The following DHRSX variants were observed in gnomAD, a reference collection of about 807,000 sequenced individuals.
DHRSX encodes the protein polyprenol dehydrogenase.
DHRSX carries 31 observed loss-of-function variants against 34.0 expected under a neutral mutation model. The ratio of observed to expected loss-of-function variants is 0.91; its 90% CI spans 0.69 to 1.23. The LOEUF is 1.23. Among genes scored for constraint, DHRSX ranks in the 50% most tolerant of loss-of-function variants. The pLI, the probability that DHRSX is intolerant of heterozygous loss-of-function variation, is 0.00. For missense variants in DHRSX, 414 were observed against 428.1 expected (o/e 0.97, Z 0.29); for synonymous variants, 201 against 183.8 (o/e 1.09, Z -0.76).
At chrX:2,488,340 A>C in intron 1 of DHRSX, 3 of 357,824 alleles carry the variant, frequency 8.4e-6, no homozygotes, top group Non-Finnish European at 1.5e-5. Context: ...AGTCCTGGCT[A>C]ATTTTTGTAT....
chrX:2,341,039 CA>C (rs1301693768), intron 3 of DHRSX, among the ~76,000 whole-genome samples: 3 of 152,110 alleles, frequency 2.0e-5, no homozygotes, highest in Admixed American at 6.6e-5. Context: ...CAAATCAAGG[CA>C]GGGGGAGAAA....
At chrX:2,490,352 T>C (rs756811443) in intron 1 of DHRSX, 1 of 1,613,410 alleles carries the variant, frequency 6.2e-7, no homozygotes, top group South Asian at 1.1e-5. Context: ...CAGCTCCTGC[T>C]GCTTCTTGCT....
At chrX:2,221,646 TTC>T (rs2015522642) in intron 6 of DHRSX, among the ~76,000 whole-genome samples, 2 of 152,100 alleles carry the variant, frequency 1.3e-5, no homozygotes, top group Non-Finnish European at 2.9e-5. Context: ...ATCAAAAAGA[TTC>T]TTGTTTTCAA....
At chrX:2,246,492 G>A (rs1238802290) in intron 5 of DHRSX, among the ~76,000 whole-genome samples, 3 of 151,638 alleles carry the variant, frequency 2.0e-5, no homozygotes, top group African/African-American at 2.4e-5. Context: ...ACGTGCTGGC[G>A]GGTGCCTGTA....
At chrX:2,237,332 T>C (rs894511111) in intron 6 of DHRSX, among the ~76,000 whole-genome samples, 4 of 152,090 alleles carry the variant, frequency 2.6e-5, no homozygotes, top group African/African-American at 9.7e-5. Context: ...AATACATGCT[T>C]AAGACAAGCA....
intron 1 of DHRSX, among the ~76,000 whole-genome samples, chrX:2,459,077 G>T (rs1259389404): frequency 6.6e-6 from 1 of 152,130 alleles, no homozygotes; most frequent in Non-Finnish European, 1.5e-5. Context: ...GTTGGAGGCT[G>T]CCATGAGCTA....
chrX:2,297,535 T>A (rs1408937731), intron 3 of DHRSX, among the ~76,000 whole-genome samples: 1 of 152,164 alleles, frequency 6.6e-6, no homozygotes, highest in Middle Eastern at 3.2e-3. Context: ...TTACCTTGTA[T>A]GAAAATAGGG....
intron 1 of DHRSX, among the ~76,000 whole-genome samples, chrX:2,465,143 A>T (rs5982990): frequency 0.31 from 47,177 of 151,286 alleles, 7,701 homozygotes; most frequent in African/African-American, 0.43. Flanking sequence ...AGACATTCCC[A>T]AAGCATGTGG....
At chrX:2,355,851 A>C (rs2124580466) in intron 3 of DHRSX, among the ~76,000 whole-genome samples, 1 of 152,084 alleles carries the variant, frequency 6.6e-6, no homozygotes, top group African/African-American at 2.4e-5. Context: ...AGATCATCTA[A>C]AGTCGGGAGT....
intron 3 of DHRSX, among the ~76,000 whole-genome samples, chrX:2,327,863 G>A (rs1395842641): frequency 3.3e-5 from 5 of 151,964 alleles, no homozygotes; most frequent in African/African-American, 9.7e-5. Flanking sequence ...GGTGGATCAC[G>A]AGGTCAGGTG....
At chrX:2,240,771 G>T (rs943870653) in intron 6 of DHRSX, among the ~76,000 whole-genome samples, 1 of 152,088 alleles carries the variant, frequency 6.6e-6, no homozygotes, top group Non-Finnish European at 1.5e-5. Flanking sequence ...AAATAGAAAA[G>T]CTTCTCAAGG....
chrX:2,351,526 A>G (rs1313501802), intron 3 of DHRSX, among the ~76,000 whole-genome samples: 1 of 152,188 alleles, frequency 6.6e-6, no homozygotes, highest in African/African-American at 2.4e-5. Context: ...CAGGCCACCC[A>G]ATGGGAGAAA....
chrX:2,223,793 G>A (rs1375389900), intron 6 of DHRSX, among the ~76,000 whole-genome samples: 1 of 152,128 alleles, frequency 6.6e-6, no homozygotes, highest in South Asian at 2.1e-4. Flanking sequence ...TCCCAAAGCC[G>A]GCATTCTTCT....
intron 1 of DHRSX, among the ~76,000 whole-genome samples, chrX:2,456,613 C>CAAA (rs57262200): frequency 6.4e-5 from 7 of 108,840 alleles, no homozygotes; most frequent in African/African-American, 2.5e-4. Flanking sequence ...GACTCCTCTT[C>CAAA]AAAAAAAAAA....
In DHRSX at chrX:2,374,869, C is replaced by T. The variant is rs2043122948; in HGVS notation, c.286+33876G>A. Among the ~76,000 whole-genome samples, 2 of 137,572 alleles carry T rather than the reference C, an allele frequency of 1.5e-5. 1 individual carries two copies. The highest frequency in any genetic ancestry group is 3.4e-5 in the Non-Finnish European group (2 of 58,286). 90.3% of individuals were successfully genotyped at this position (137,572 alleles called of 152,430 possible). On this transcript the variant is annotated intron_variant, in intron 3 of 6. Transcript: ENST00000334651. ...GAAGGATCCCTTGAGCCCTGGAGTT[C>T]AAGACCACCCAGGGCAAGATAGTGA...
intron 3 of DHRSX, among the ~76,000 whole-genome samples, chrX:2,332,450 C>T (rs1432080279): frequency 6.6e-6 from 1 of 152,192 alleles, no homozygotes; most frequent in Non-Finnish European, 1.5e-5. Flanking sequence ...GGCTGGATGA[C>T]AGTATGTGAG....
chrX:2,409,872 G>A lies in DHRSX; in HGVS notation c.218-1059C>T, dbSNP rs192764051. Among the ~76,000 whole-genome samples the A allele has an allele frequency of 3.5e-3, 526 of 152,154 alleles. 1 individual carries two copies. Among genetic ancestry groups the A allele is most frequent in the African/African-American group, 0.012 (510 of 41,518 alleles). On this transcript the variant is annotated intron_variant, in intron 2 of 6. Coordinates refer to ENST00000334651, the MANE Select transcript of DHRSX (RefSeq NM_145177.3). ...AGCCTCCTGAGTAGCTGGGATTAGAGGTGACTGCCACTATGCCCAGCTAAT... is the reference window on the plus strand; with the variant it reads ...AGCCTCCTGAGTAGCTGGGATTAGAAGTGACTGCCACTATGCCCAGCTAAT...
At chrX:2,340,304 C>T (rs1337326159) in intron 3 of DHRSX, among the ~76,000 whole-genome samples, 2 of 151,870 alleles carry the variant, frequency 1.3e-5, no homozygotes, top group Non-Finnish European at 2.9e-5. Flanking sequence ...AAAAACTGCA[C>T]GTCCTGCACA....
intron 5 of DHRSX, among the ~76,000 whole-genome samples, chrX:2,263,286 T>TG (rs2041388764): frequency 6.6e-6 from 1 of 151,846 alleles, no homozygotes; most frequent in Non-Finnish European, 1.5e-5. Flanking sequence ...GAGGTCACGA[T>TG]GGGGGAGACT....
Sources: gnomAD v4.1 joint callset for allele counts (sites outside exome capture counted in the v4.1 genomes callset) on GRCh38, gnomAD v4.1.1 for gene constraint, MANE v1.5 for transcripts, NCBI Gene and HGNC (gene_info 2026-07-23, HGNC 2026-07-21) for gene names.